Variants in SLC26A7 observed in about 807,000 individuals in gnomAD.
SLC26A7 encodes the protein anion exchange transporter.
A neutral mutation model predicts 82.5 loss-of-function variants in SLC26A7; 59 were observed. The ratio of observed to expected loss-of-function variants is 0.72; its 90% CI spans 0.58 to 0.89. The LOEUF is 0.89. SLC26A7 is among the 40% of genes least tolerant of loss of function. The probability of loss-of-function intolerance (pLI) is 0.00; values close to 1 mark genes in which losing one functional copy is unlikely to be tolerated. For missense variants in SLC26A7, 820 were observed against 793.0 expected (o/e 1.03, Z -0.41); for synonymous variants, 271 against 274.3 (o/e 0.99, Z 0.12).
intron 4 of SLC26A7, among the ~76,000 whole-genome samples, chr8:91,305,839 G>A (rs1262259969): frequency 6.6e-6 from 1 of 152,036 alleles, no homozygotes; most frequent in East Asian, 1.9e-4. Context: ...GTCTAGTTTA[G>A]GTGACTTTTT....
At chr8:91,313,478 T>C (rs1029131253) in intron 4 of SLC26A7, among the ~76,000 whole-genome samples, 14 of 152,202 alleles carry the variant, frequency 9.2e-5, no homozygotes, top group Admixed American at 4.6e-4. Context: ...CCCATATCTC[T>C]GAACAGCACT....
At chr8:91,248,035 A>G (rs551871713), upstream of SLC26A7, among the ~76,000 whole-genome samples, 2 of 152,194 alleles carry the variant, frequency 1.3e-5, no homozygotes, top group Non-Finnish European at 2.9e-5. Context: ...TGTTTCAAGC[A>G]TGAATTTACA....
intron 10 of SLC26A7, 93 bp from the exon 11 acceptor site, chr8:91,352,807 CT>C (rs1813753996): frequency 1.0e-6 from 1 of 1,004,538 alleles, no homozygotes; most frequent in African/African-American, 1.7e-5. Flanking sequence ...CTATTAAGTA[CT>C]TTAAAAACAA....
At chr8:91,316,710 TG>T (rs1812642850) in intron 4 of SLC26A7, among the ~76,000 whole-genome samples, 3 of 151,604 alleles carry the variant, frequency 2.0e-5, no homozygotes, top group Admixed American at 2.0e-4. Context: ...TGCTTATACT[TG>T]TGAATGTAAT....
chr8:91,293,626 A>G (rs1016701111), intron 3 of SLC26A7, among the ~76,000 whole-genome samples: 2 of 152,198 alleles, frequency 1.3e-5, no homozygotes, highest in African/African-American at 4.8e-5. Context: ...TTGTTCCCCT[A>G]ACAAAGCCTT....
In SLC26A7 at chr8:91,388,222, C is replaced by A. The variant is rs951914604; in HGVS notation, c.1676-1116C>A. 2.6e-5 allele frequency among the ~76,000 whole-genome samples: 4 copies of A among 152,066 alleles called. No homozygotes were observed. In the South Asian group the frequency reaches 8.3e-4, roughly 32 times the overall value. On this transcript the variant is annotated intron_variant, in intron 15 of 18. Transcript: ENST00000276609. ...CTCGACTCACTGCAAGCTCCACCTCCCGGGTTCACGCCGTTCTCCTGCCTC... is the reference window on the plus strand; with the variant it reads ...CTCGACTCACTGCAAGCTCCACCTCACGGGTTCACGCCGTTCTCCTGCCTC...
intron 2 of SLC26A7, among the ~76,000 whole-genome samples, chr8:91,237,887 T>C (rs185440691): frequency 6.6e-6 from 1 of 152,348 alleles, no homozygotes; most frequent in Admixed American, 6.5e-5. Context: ...GTATTTGATA[T>C]TGTTCCATCT....
chr8:91,337,828 G>A (rs569205192), intron 6 of SLC26A7, among the ~76,000 whole-genome samples: 1 of 152,250 alleles, frequency 6.6e-6, no homozygotes, highest in African/African-American at 2.4e-5. Flanking sequence ...GTTGGATTGT[G>A]CTGTCTTCAT....
chr8:91,367,030 T>C (rs1047707130), intron 14 of SLC26A7, among the ~76,000 whole-genome samples: 3 of 151,788 alleles, frequency 2.0e-5, no homozygotes, highest in African/African-American at 7.3e-5. Context: ...TTTTTTGAGA[T>C]GGAGTCTCGC....
At chr8:91,314,513 T>C (rs1198966232) in intron 4 of SLC26A7, among the ~76,000 whole-genome samples, 3 of 152,154 alleles carry the variant, frequency 2.0e-5, no homozygotes, top group Admixed American at 6.5e-5. Flanking sequence ...CCTCCACTAG[T>C]TCCCCTTCCT....
At chr8:91,307,729 G>A (rs1374870188) in intron 4 of SLC26A7, among the ~76,000 whole-genome samples, 1 of 145,586 alleles carries the variant, frequency 6.9e-6, no homozygotes, top group African/African-American at 2.5e-5. Context: ...CAGCGCACCA[G>A]CATGGCACAT....
intron 3 of SLC26A7, among the ~76,000 whole-genome samples, chr8:91,291,194 T>A (rs1811858923): frequency 1.3e-5 from 2 of 152,180 alleles, no homozygotes; most frequent in African/African-American, 4.8e-5. Flanking sequence ...TAAATAGATA[T>A]TATTACCTTT....
upstream of SLC26A7, among the ~76,000 whole-genome samples, chr8:91,247,075 G>A (rs543134627): frequency 6.6e-6 from 1 of 152,282 alleles, no homozygotes; most frequent in South Asian, 2.1e-4. Flanking sequence ...AGGTGGGAAG[G>A]GGAGCAGAGA....
intron 9 of SLC26A7, among the ~76,000 whole-genome samples, chr8:91,347,322 A>G (rs1219682357): frequency 2.0e-5 from 3 of 152,216 alleles, no homozygotes; most frequent in Non-Finnish European, 4.4e-5. Context: ...ATTGAACAGA[A>G]ACATAATATG....
chr8:91,228,546 A>G (rs1416306073), intron 2 of SLC26A7, among the ~76,000 whole-genome samples: 2 of 152,204 alleles, frequency 1.3e-5, no homozygotes, highest in African/African-American at 4.8e-5. Context: ...CAGGGGCTGC[A>G]TGGGCCAGGA....
intron 2 of SLC26A7, among the ~76,000 whole-genome samples, chr8:91,224,457 C>T (rs1226462217): frequency 6.6e-6 from 1 of 152,136 alleles, no homozygotes; most frequent in Non-Finnish European, 1.5e-5. Context: ...AGGGCTGCTG[C>T]AGTTGGCTGG....
intron 9 of SLC26A7, among the ~76,000 whole-genome samples, chr8:91,348,746 A>C (rs886945463): frequency 6.6e-5 from 10 of 152,218 alleles, no homozygotes; most frequent in African/African-American, 1.9e-4. Context: ...GAACAAGCTC[A>C]TCTCTTTTGT....
At chr8:91,308,148 G>T (rs762065448) in intron 4 of SLC26A7, among the ~76,000 whole-genome samples, 1 of 151,972 alleles carries the variant, frequency 6.6e-6, no homozygotes, top group Non-Finnish European at 1.5e-5. Context: ...CACTTTTGAG[G>T]AGTACTGGTC....
intron 15 of SLC26A7, among the ~76,000 whole-genome samples, chr8:91,379,805 T>G (rs1814619017): frequency 1.3e-5 from 2 of 152,168 alleles, no homozygotes; most frequent in South Asian, 4.1e-4. Context: ...TAAACTTCAC[T>G]ATATTATTTT....
Sources: gnomAD v4.1 joint callset for allele counts (sites outside exome capture counted in the v4.1 genomes callset) on GRCh38, gnomAD v4.1.1 for gene constraint, MANE v1.5 for transcripts, NCBI Gene and HGNC (gene_info 2026-07-23, HGNC 2026-07-21) for gene names.